Variants in MTHFD1L observed in about 807,000 individuals in gnomAD.
The protein encoded by MTHFD1L is monofunctional C1-tetrahydrofolate synthase, mitochondrial.
A neutral mutation model predicts 119.5 loss-of-function variants in MTHFD1L; 81 were observed. The observed-to-expected ratio is 0.68, with a 90% CI of 0.57 to 0.82. The LOEUF is 0.82. Ranked by LOEUF, MTHFD1L falls within the 40% of genes least tolerant of loss-of-function variation. The probability of loss-of-function intolerance (pLI) is 0.00; values close to 1 mark genes in which losing one functional copy is unlikely to be tolerated. For missense variants in MTHFD1L, 1,125 were observed against 1,253.4 expected (o/e 0.90, Z 1.55); for synonymous variants, 430 against 475.2 (o/e 0.90, Z 1.24).
Position 150,964,970 on chromosome 6 carries a change from G to A in MTHFD1L, c.1946G>A (p.Gly649Glu). ...SGQPVTADDLGVTGALTVLMK... is the reference protein window; with the variant it reads ...SGQPVTADDLEVTGALTVLMK... ...CTAATGTTTTTCTCTCTCCTGTAGG[G>A]GGTGACAGGTGCTTTGACAGTTTTG... Residue 649 changes from glycine to glutamate, a missense_variant and splice_region_variant, in exon 19 of 28, where the codon GGG becomes GAG. By Grantham distance (98) the Gly-to-Glu change is moderately conservative (BLOSUM62 -2). This residue lies in a region of MTHFD1L where 1,058 missense variants were observed against 1,151.2 expected (regional missense o/e 0.92). Coordinates refer to ENST00000367321, the MANE Select transcript of MTHFD1L (RefSeq NM_015440.5). 6.2e-7 allele frequency: 1 copy of A among 1,613,668 alleles called. No homozygotes were observed. The highest frequency in any genetic ancestry group is 8.5e-7 in the Non-Finnish European group (1 of 1,179,638).
At position 150,926,588 on chromosome 6, in the gene MTHFD1L, A is replaced by G. The variant is rs973668880; in HGVS notation, c.1256+293A>G. Among the ~76,000 whole-genome samples, 1 of 152,184 alleles carries G rather than the reference A, an allele frequency of 6.6e-6. No homozygotes were observed. Among genetic ancestry groups the G allele is most frequent in the African/African-American group, 2.4e-5 (1 of 41,432 alleles). On this transcript the variant is annotated intron_variant, in intron 11 of 27. Coordinates refer to ENST00000367321, the MANE Select transcript of MTHFD1L (RefSeq NM_015440.5). The surrounding 1 kb of genome is among the most constrained non-coding windows in gnomAD (Gnocchi z 4.3). ...CTTGACTTTTTGAATTTCATTTTTC[A>G]TTATAAAAATCAAAATAGGAATTGA... is the stretch of plus-strand genomic sequence containing the variant.
intron 20 of MTHFD1L, among the ~76,000 whole-genome samples, chr6:150,981,419 T>C (rs1388425596): frequency 2.6e-5 from 4 of 152,252 alleles, no homozygotes; most frequent in African/African-American, 9.6e-5. Flanking sequence ...TACCCCACGG[T>C]GCCTCTGAGT....
intron 20 of MTHFD1L, among the ~76,000 whole-genome samples, chr6:150,989,853 A>G (rs889992857): frequency 1.3e-5 from 2 of 152,240 alleles, no homozygotes; most frequent in Non-Finnish European, 2.9e-5. Flanking sequence ...TAAAATTACT[A>G]TACTATATCA....
chr6:150,960,565 T>C, intron 18 of MTHFD1L, 150 bp downstream of exon 18: 2 of 1,075,354 alleles, frequency 1.9e-6, no homozygotes, highest in Non-Finnish European at 1.3e-6. Flanking sequence ...ACAAGCATGT[T>C]TGCCTAACTG....
At chr6:150,906,410 C>T (rs1263970896) in intron 8 of MTHFD1L, among the ~76,000 whole-genome samples, 2 of 152,196 alleles carry the variant, frequency 1.3e-5, no homozygotes, top group African/African-American at 2.4e-5. Flanking sequence ...CCAGCAGCCC[C>T]GGGTCCAGCA....
At chr6:150,873,372 T>C (rs1779868781) in intron 1 of MTHFD1L, among the ~76,000 whole-genome samples, 1 of 152,148 alleles carries the variant, frequency 6.6e-6, no homozygotes, top group Non-Finnish European at 1.5e-5. Flanking sequence ...ACTATGAATG[T>C]TTCTGAGAAA....
At position 151,101,415 on chromosome 6, in the gene MTHFD1L, G is replaced by C. The variant is rs1159679001; in HGVS notation, c.*32-111G>C. 5 of 152,170 alleles carry C rather than the reference G, an allele frequency of 3.3e-5. No individual in the cohort carries two copies. In the East Asian group the frequency reaches 9.6e-4, roughly 29 times the overall value. The allele number at this position is 152,170 out of a possible 1,614,324, so 9.4% of individuals were successfully genotyped here. On this transcript the variant is annotated intron_variant, in intron 27 of 27. Transcript: ENST00000367321. ...TCTAGCGAACCATCACTCTGCTCTTGAATTTTCTTTTGGCCTCAAACTCTA... is the reference window on the plus strand; with the variant it reads ...TCTAGCGAACCATCACTCTGCTCTTCAATTTTCTTTTGGCCTCAAACTCTA...
intron 1 of MTHFD1L, 137 bp downstream of exon 1, chr6:150,866,186 C>A (rs1286825958): frequency 2.2e-6 from 3 of 1,353,966 alleles, no homozygotes; most frequent in African/African-American, 1.5e-5. Flanking sequence ...GGGGGCCGGG[C>A]GGTGTGTCGG....
chr6:151,092,495 G>A lies in MTHFD1L; in HGVS notation c.2876G>A (p.Arg959Gln). The A allele has an allele frequency of 3.7e-6, 6 of 1,614,026 alleles. No homozygotes were observed. Among genetic ancestry groups the A allele is most frequent in the South Asian group, 1.1e-5 (1 of 91,054 alleles). Residue 959 changes from arginine to glutamine, a missense_variant, in exon 27 of 28, where the codon CGG (arginine) becomes CAG (glutamine). Coordinates refer to ENST00000367321, the MANE Select transcript of MTHFD1L (RefSeq NM_015440.5). ...TMSTMPGLPT[R>Q]PCFYDIDLDT... ...AGCACCATGCCAGGACTGCCCACCC[G>A]GCCCTGCTTTTATGACATAGATCTT...
intron 15 of MTHFD1L, among the ~76,000 whole-genome samples, chr6:150,946,102 A>G (rs182989101): frequency 1.2e-4 from 18 of 152,328 alleles, no homozygotes; most frequent in African/African-American, 4.1e-4. Flanking sequence ...AGGAAATTAT[A>G]GGATAACCTT....
At position 151,043,258 on chromosome 6, in the gene MTHFD1L, CTTTTTT is replaced by C. The variant is rs1170553631; in HGVS notation, c.2847+6160_2847+6165del. 2.3e-3 allele frequency among the ~76,000 whole-genome samples: 178 copies of C among 78,880 alleles called. 1 individual carries two copies. In the Middle Eastern group the frequency reaches 0.035, roughly 15 times the overall value. 51.7% of individuals were successfully genotyped at this position (78,880 alleles called of 152,430 possible). On this transcript the variant is annotated intron_variant, in intron 26 of 27. Transcript: ENST00000367321. Reference sequence around the variant, plus strand: ...CTTCTTTCTTCTCACAGTGTTTTCTCTTTTTTTTTTTTTTTTTTTTTTTTGAGACAG... The same window carrying C: ...CTTCTTTCTTCTCACAGTGTTTTCTCTTTTTTTTTTTTTTTTTTGAGACAG...
chr6:150,965,045 GT>G lies in MTHFD1L; in HGVS notation c.2013+12del. ...CTGATGCAGACCCTGGAAGTAAGTG[GT>G]TTTCTTCTTATAGTAATTGTTTGCA... On this transcript the variant is annotated intron_variant, in intron 19 of 27. Transcript: ENST00000367321. The G allele has an allele frequency of 6.2e-7, 1 of 1,612,940 alleles. No homozygotes were observed. Among genetic ancestry groups the G allele is most frequent in the Non-Finnish European group, 8.5e-7 (1 of 1,179,024 alleles).
chr6:151,043,135 C>T (rs1787384980), intron 26 of MTHFD1L, among the ~76,000 whole-genome samples: 3 of 151,152 alleles, frequency 2.0e-5, no homozygotes, highest in Admixed American at 1.3e-4. Flanking sequence ...GTGCAAACCC[C>T]ACATTCCACT....
intron 16 of MTHFD1L, 99 bp downstream of exon 16, chr6:150,949,232 A>G (rs965848671): frequency 4.4e-6 from 4 of 914,530 alleles, no homozygotes; most frequent in Non-Finnish European, 7.0e-6. Context: ...GATCCTGTCC[A>G]GTGATCTTCC....
intron 25 of MTHFD1L, among the ~76,000 whole-genome samples, chr6:151,034,889 A>G (rs938964160): frequency 2.0e-5 from 3 of 152,052 alleles, no homozygotes; most frequent in Non-Finnish European, 2.9e-5. Context: ...CATCCCTCCC[A>G]CTCAGCCCTG....
chr6:151,092,001 G>A (rs576250305), intron 26 of MTHFD1L, among the ~76,000 whole-genome samples: 5 of 152,258 alleles, frequency 3.3e-5, no homozygotes, highest in South Asian at 4.2e-4. Context: ...GAGGGAGACC[G>A]GGGTGACGAC....
intron 20 of MTHFD1L, chr6:150,985,219 T>C (rs531215483): frequency 6.6e-6 from 1 of 152,360 alleles, no homozygotes. Flanking sequence ...GTGAGTATAC[T>C]TTTTTCCATC....
rs368550455 is a variant in MTHFD1L at position 151,031,621 on chromosome 6, A to G, written c.2587-2872A>G. Reference sequence around the variant, plus strand: ...CTTTTGACTTTATAAATACTTGCATATATCTTCTTCCAGTCTGTCTCTTAT... The same window carrying G: ...CTTTTGACTTTATAAATACTTGCATGTATCTTCTTCCAGTCTGTCTCTTAT... On this transcript the variant is annotated intron_variant, in intron 24 of 27. Coordinates refer to ENST00000367321, the MANE Select transcript of MTHFD1L (RefSeq NM_015440.5). 1.1e-4 allele frequency among the ~76,000 whole-genome samples: 16 copies of G among 152,350 alleles called. 1 individual carries two copies. The highest frequency in any genetic ancestry group is 9.6e-4 in the East Asian group (5 of 5,190).
intron 19 of MTHFD1L, among the ~76,000 whole-genome samples, chr6:150,970,284 T>C (rs1797843844): frequency 6.6e-6 from 1 of 152,218 alleles, no homozygotes; most frequent in African/African-American, 2.4e-5. Flanking sequence ...TATCATGTAT[T>C]GCCAGACTGA....
Sources: allele counts gnomAD v4.1 joint callset (sites outside exome capture counted in the v4.1 genomes callset), GRCh38; gene constraint gnomAD v4.1.1; regional missense constraint gnomAD v4.1.1; non-coding constraint Gnocchi (gnomAD v3.1); transcripts MANE v1.5; gene names NCBI Gene and HGNC (gene_info 2026-07-23, HGNC 2026-07-21).